The following CCND3 variants were observed in gnomAD, a reference collection of about 807,000 sequenced individuals.
CCND3 encodes cyclin D3.
A neutral mutation model predicts 28.7 loss-of-function variants in CCND3; 9 were observed. The observed-to-expected ratio is 0.31, with a 90% CI of 0.19 to 0.55. CCND3 has a LOEUF of 0.55. CCND3 is among the 20% of genes least tolerant of loss of function. The pLI is 0.93. For missense variants in CCND3, 315 were observed against 385.8 expected (o/e 0.82, Z 1.54); for synonymous variants, 164 against 163.9 (o/e 1.00, Z 0.00).
Position 41,940,904 on chromosome 6 carries a change from G to T in CCND3, c.199-319C>A, listed in dbSNP as rs1473577840. ...TGGGACGCAAGGGTCACCCATGGTA[G>T]CCAGAGAGCTGGGACCTCACCCCCA... On this transcript the variant is annotated intron_variant, in intron 1 of 4. Transcript: ENST00000372991. The T allele has an allele frequency of 6.5e-6, 10 of 1,529,400 alleles. No individual in the cohort carries two copies. The Admixed American group carries it at 1.3e-4, about 20-fold the overall frequency. 94.7% of individuals were successfully genotyped at this position (1,529,400 alleles called of 1,614,324 possible).
chr6:41,950,318 C>T (rs964167979), intron 1 of CCND3, among the ~76,000 whole-genome samples: 2 of 152,110 alleles, frequency 1.3e-5, no homozygotes, highest in Non-Finnish European at 2.9e-5. Context: ...TCTTGGCTGG[C>T]AAGCATTCCT....
chr6:42,018,242 G>A (rs1439743460), intron 1 of CCND3, among the ~76,000 whole-genome samples: 1 of 151,784 alleles, frequency 6.6e-6, no homozygotes, highest in Non-Finnish European at 1.5e-5. Flanking sequence ...ACCCAGGCTG[G>A]AGTGCAGTGG....
intron 1 of CCND3, among the ~76,000 whole-genome samples, chr6:41,971,785 G>A (rs1379102881): frequency 2.0e-5 from 3 of 151,072 alleles, no homozygotes; most frequent in Non-Finnish European, 4.4e-5. Flanking sequence ...TGATCCGCCC[G>A]CCTCGGCCTC....
Position 41,957,723 on chromosome 6 carries a change from C to CT in CCND3, c.-45-17139dup, listed in dbSNP as rs1376181061. 2.6e-5 allele frequency among the ~76,000 whole-genome samples: 4 copies of CT among 152,198 alleles called. No individual in the cohort carries two copies. In the East Asian group the frequency reaches 7.7e-4, roughly 29 times the overall value. On this transcript the variant is annotated intron_variant, in intron 1 of 4. Transcript: ENST00000372988. ...GAGGTACCCTGCATGAAGATGTGTG[C>CT]TTTGATTCCTGCCTCTCTGCTCAGG...
At chr6:41,966,877 C>T (rs1761902002) in intron 1 of CCND3, among the ~76,000 whole-genome samples, 1 of 152,116 alleles carries the variant, frequency 6.6e-6, no homozygotes, top group African/African-American at 2.4e-5. Flanking sequence ...TGAGAATTCA[C>T]ACAAATTCTG....
At chr6:41,995,150 T>C (rs754561201) in intron 1 of CCND3, among the ~76,000 whole-genome samples, 2 of 152,152 alleles carry the variant, frequency 1.3e-5, no homozygotes, top group Non-Finnish European at 2.9e-5. Context: ...AACATACAAA[T>C]GGTTATTTAT....
At chr6:42,021,209 A>G (rs1195250743) in intron 1 of CCND3, among the ~76,000 whole-genome samples, 1 of 152,230 alleles carries the variant, frequency 6.6e-6, no homozygotes, top group Non-Finnish European at 1.5e-5. Context: ...TACTGTACGT[A>G]ATTTATACAT....
intron 1 of CCND3, among the ~76,000 whole-genome samples, chr6:41,961,582 CA>C (rs1761718581): frequency 6.6e-6 from 1 of 151,352 alleles, no homozygotes; most frequent in Non-Finnish European, 1.5e-5. Flanking sequence ...ACAACAACAA[CA>C]AAAACAACAA....
chr6:42,030,648 G>C (rs1456796563), intron 1 of CCND3, among the ~76,000 whole-genome samples: 2 of 152,202 alleles, frequency 1.3e-5, no homozygotes, highest in Admixed American at 6.5e-5. Flanking sequence ...CACCACCACA[G>C]CCTGGCCCTC....
At chr6:42,024,544 T>A (rs1297142528) in intron 1 of CCND3, among the ~76,000 whole-genome samples, 1 of 151,860 alleles carries the variant, frequency 6.6e-6, no homozygotes, top group Non-Finnish European at 1.5e-5. Context: ...ATGAGGAGGG[T>A]CCCTCTCCTT....
At chr6:41,947,775 C>G (rs753960158) in intron 1 of CCND3, among the ~76,000 whole-genome samples, 16 of 152,118 alleles carry the variant, frequency 1.1e-4, no homozygotes, top group Non-Finnish European at 1.9e-4. Context: ...TTCTACCCCC[C>G]GGTCCGAGTT....
At chr6:41,942,441 G>T (rs3218085), upstream of CCND3, among the ~76,000 whole-genome samples, 1,288 of 152,284 alleles carry the variant, frequency 8.5e-3, 8 homozygotes, top group Non-Finnish European at 0.013. Flanking sequence ...ACCTGAATCA[G>T]AATCTGCATT....
chr6:41,956,217 A>T (rs1229001182), intron 1 of CCND3, among the ~76,000 whole-genome samples: 2 of 152,160 alleles, frequency 1.3e-5, no homozygotes, highest in Non-Finnish European at 2.9e-5. Context: ...ACTTGAACCC[A>T]GGAGGTGGAG....
At chr6:41,990,422 C>T (rs1762612455) in intron 1 of CCND3, among the ~76,000 whole-genome samples, 1 of 151,924 alleles carries the variant, frequency 6.6e-6, no homozygotes, top group Non-Finnish European at 1.5e-5. Context: ...TCAGTATATT[C>T]TTCATAGAAA....
At chr6:42,013,078 C>T (rs1366138310) in intron 1 of CCND3, among the ~76,000 whole-genome samples, 6 of 152,098 alleles carry the variant, frequency 3.9e-5, no homozygotes, top group East Asian at 1.9e-4. Flanking sequence ...AGGGGCAATA[C>T]GGGACCCCTA....
chr6:42,028,971 G>GTTTTT (rs796486498), intron 1 of CCND3, among the ~76,000 whole-genome samples: 2,903 of 137,658 alleles, frequency 0.021, 41 homozygotes, highest in Non-Finnish European at 0.032. Flanking sequence ...CCTTGAAACG[G>GTTTTT]TTTTTTTTTT....
At chr6:41,985,076 A>C (rs775403664) in intron 1 of CCND3, among the ~76,000 whole-genome samples, 54 of 152,208 alleles carry the variant, frequency 3.5e-4, no homozygotes, top group Middle Eastern at 3.4e-3. Flanking sequence ...TGTGGTTTGC[A>C]AATATTTTCT....
At position 41,992,040 on chromosome 6, in the gene CCND3, C is replaced by T. The variant is rs191234166; in HGVS notation, c.-45-51455G>A. On this transcript the variant is annotated intron_variant, in intron 1 of 4. Coordinates refer to the CCND3 transcript ENST00000372988. ...TCGATATCTTGATTGTTGTCAATAG[C>T]GCTGCAATAAATACGGAGGTGTGGA... 4.8e-4 allele frequency among the ~76,000 whole-genome samples: 73 copies of T among 152,282 alleles called. 1 individual carries two copies. Among genetic ancestry groups the T allele is most frequent in the African/African-American group, 1.1e-3 (46 of 41,578 alleles).
intron 1 of CCND3, among the ~76,000 whole-genome samples, chr6:41,999,449 C>A (rs1474168979): frequency 6.6e-6 from 1 of 152,142 alleles, no homozygotes; most frequent in Non-Finnish European, 1.5e-5. Flanking sequence ...GGTGATCCAC[C>A]TGCCTCGGCC....
Sources: allele counts gnomAD v4.1 joint callset (sites outside exome capture counted in the v4.1 genomes callset), GRCh38; gene constraint gnomAD v4.1.1; transcripts MANE v1.5; gene names NCBI Gene and HGNC (gene_info 2026-07-23, HGNC 2026-07-21).